The following TBC1D30 variants were observed in gnomAD, a reference collection of about 807,000 sequenced individuals.
The protein encoded by TBC1D30 is TBC1 domain family, member 30.
A neutral mutation model predicts 63.2 loss-of-function variants in TBC1D30; 31 were observed. The observed-to-expected ratio is 0.49, with a 90% CI of 0.37 to 0.66. The LOEUF is 0.66. TBC1D30 is among the 30% of genes least tolerant of loss of function. The probability of loss-of-function intolerance (pLI) is 0.00; values close to 1 mark genes in which losing one functional copy is unlikely to be tolerated. For synonymous variants in TBC1D30, 307 were observed against 361.5 expected (o/e 0.85, Z 1.71); for missense variants, 810 against 953.6 (o/e 0.85, Z 1.98).
intron 9 of TBC1D30, among the ~76,000 whole-genome samples, chr12:64,865,419 T>C (rs1033383449): frequency 1.3e-5 from 2 of 151,962 alleles, no homozygotes; most frequent in African/African-American, 4.8e-5. Flanking sequence ...CCTTTAAATA[T>C]AATTTTCTGG....
At chr12:64,816,442 A>C (rs1873542120) in intron 2 of TBC1D30, among the ~76,000 whole-genome samples, 1 of 152,254 alleles carries the variant, frequency 6.6e-6, no homozygotes, top group South Asian at 2.1e-4. Context: ...TTTATCTGAA[A>C]ACACAGCAAC....
At chr12:64,841,690 G>A (rs760962782) in intron 7 of TBC1D30, among the ~76,000 whole-genome samples, 1 of 152,126 alleles carries the variant, frequency 6.6e-6, no homozygotes, top group Non-Finnish European at 1.5e-5. Context: ...CCCAGATAAG[G>A]CCTGCTGTCT....
chr12:64,836,768 G>A, intron 6 of TBC1D30, 110 bp downstream of exon 6: 2 of 1,105,066 alleles, frequency 1.8e-6, no homozygotes, highest in Non-Finnish European at 2.5e-6. Flanking sequence ...ATTTTTGTAA[G>A]AGCTTGGTGT....
intron 11 of TBC1D30, 56 bp from the exon 12 acceptor site, chr12:64,874,945 A>G: frequency 4.1e-6 from 6 of 1,466,626 alleles, no homozygotes; most frequent in Non-Finnish European, 5.4e-6. Context: ...TTCTGTTCCA[A>G]GATGGATGTG....
chr12:64,828,352 C>A, intron 2 of TBC1D30, 92 bp from the exon 3 acceptor site: 2 of 920,236 alleles, frequency 2.2e-6, no homozygotes, highest in Non-Finnish European at 1.7e-6. Flanking sequence ...CAAATTTCAG[C>A]ACATTCTATG....
At chr12:64,765,876 G>A (rs1870696598) in intron 1 of TBC1D30, among the ~76,000 whole-genome samples, 1 of 151,818 alleles carries the variant, frequency 6.6e-6, no homozygotes, top group Non-Finnish European at 1.5e-5. Context: ...GCTGGGCTTG[G>A]TGGTATGCTC....
Position 64,781,108 on chromosome 12 carries a change from C to T in TBC1D30, c.300C>T (p.Gly100=), listed in dbSNP as rs1592533367. The T allele has an allele frequency of 6.0e-6, 6 of 1,004,020 alleles. No homozygotes were observed. The South Asian group carries it at 2.5e-4, about 41-fold the overall frequency. The allele number at this position is 1,004,020 out of a possible 1,614,324, so 62.2% of individuals were successfully genotyped here. A position where few individuals can be genotyped will look rare whatever the true frequency, so the allele number is the denominator to read the frequency against. ...GCACAGAGGAGGAGGAGGCGGCGGGCGGGGGCCGCGGGGCCGAGGGCCGCC... is the reference window on the plus strand; with the variant it reads ...GCACAGAGGAGGAGGAGGCGGCGGGTGGGGGCCGCGGGGCCGAGGGCCGCC... Residue 100 remains glycine (G), a synonymous_variant, in exon 1 of 13, where the codon GGC becomes GGT. Transcript: ENST00000542120.
intron 1 of TBC1D30, among the ~76,000 whole-genome samples, chr12:64,761,289 A>G (rs982747394): frequency 1.3e-4 from 20 of 152,326 alleles, no homozygotes; most frequent in African/African-American, 2.4e-5. Flanking sequence ...ATTATAAACT[A>G]TTTGAGGCCA....
At chr12:64,806,058 T>A (rs1384249970) in intron 2 of TBC1D30, among the ~76,000 whole-genome samples, 1 of 152,192 alleles carries the variant, frequency 6.6e-6, no homozygotes. Context: ...TCTGCTGTTG[T>A]CATTGTTCAT....
At chr12:64,860,470 C>CTT (rs536996011) in intron 8 of TBC1D30, among the ~76,000 whole-genome samples, 4 of 148,334 alleles carry the variant, frequency 2.7e-5, no homozygotes, top group African/African-American at 7.4e-5. Context: ...AAGTATATTA[C>CTT]TTTTTTTTTT....
At chr12:64,774,374 T>TATCATCCCTGAG (rs1456712433) in intron 1 of TBC1D30, among the ~76,000 whole-genome samples, 2 of 152,220 alleles carry the variant, frequency 1.3e-5, no homozygotes, top group African/African-American at 4.8e-5. Flanking sequence ...CATTTCAGGA[T>TATCATCCCTGAG]ATCATCCCTG....
At chr12:64,803,299 T>C (rs561742863) in intron 2 of TBC1D30, among the ~76,000 whole-genome samples, 2 of 152,246 alleles carry the variant, frequency 1.3e-5, no homozygotes, top group Non-Finnish European at 2.9e-5. Context: ...TGTCTTCTTT[T>C]GAGAATTGTC....
chr12:64,842,555 C>A (rs2136401157), intron 7 of TBC1D30, among the ~76,000 whole-genome samples: 1 of 152,152 alleles, frequency 6.6e-6, no homozygotes, highest in East Asian at 1.9e-4. Flanking sequence ...CTAGCAGCAG[C>A]ACCCTGAGAA....
chr12:64,832,004 T>TA, intron 4 of TBC1D30, 115 bp from the exon 5 acceptor site: 2 of 1,077,540 alleles, frequency 1.9e-6, no homozygotes, highest in Non-Finnish European at 2.5e-6. Context: ...ATACACATTT[T>TA]AAAAAAATTT....
chr12:64,765,481 G>A (rs1423598886), intron 1 of TBC1D30, among the ~76,000 whole-genome samples: 1 of 71,450 alleles, frequency 1.4e-5, no homozygotes, highest in African/African-American at 6.3e-5. Flanking sequence ...GACAGAGCAA[G>A]ACTGTCTCCA....
chr12:64,867,928 T>G (rs998678004), intron 10 of TBC1D30: 4 of 152,354 alleles, frequency 2.6e-5, no homozygotes, highest in Admixed American at 2.0e-4. Flanking sequence ...CTGACCAGAT[T>G]ACAGAAATAA....
chr12:64,875,280 A>G lies in TBC1D30; in HGVS notation c.1778A>G (p.Asp593Gly), dbSNP rs759232940. 6.5e-7 allele frequency: 1 copy of G among 1,536,310 alleles called. No individual in the cohort carries two copies. Among genetic ancestry groups the G allele is most frequent in the Non-Finnish European group, 8.7e-7 (1 of 1,146,920 alleles). The change falls in exon 12 of 12, where the codon GAT (aspartate) becomes GGT (glycine). Residue 593 changes from aspartate (D) to glycine (G), a missense_variant. Physicochemically the swap from Asp to Gly is moderately conservative, Grantham distance 94. Coordinates refer to ENST00000539867, the MANE Select transcript of TBC1D30 (RefSeq NM_015279.2). ...TGTGGGGACACCGTAGGGCTGATAG[A>G]TGAGCAGAACGAGGCCAGCAAGACC... ...PGCGDTVGLI[D>G]EQNEASKTNG...
At chr12:64,800,201 G>C (rs1457478696) in intron 2 of TBC1D30, among the ~76,000 whole-genome samples, 1 of 152,202 alleles carries the variant, frequency 6.6e-6, no homozygotes, top group Non-Finnish European at 1.5e-5. Flanking sequence ...TAAGGGCACA[G>C]AGGCTGAGGG....
intron 2 of TBC1D30, among the ~76,000 whole-genome samples, chr12:64,795,662 T>C (rs1406410988): frequency 6.6e-6 from 1 of 152,158 alleles, no homozygotes; most frequent in East Asian, 1.9e-4. Context: ...TATGTTTGTT[T>C]GCTTTTCCAG....
Sources: gnomAD v4.1 joint callset for allele counts (sites outside exome capture counted in the v4.1 genomes callset) on GRCh38, gnomAD v4.1.1 for gene constraint, MANE v1.5 for transcripts, NCBI Gene and HGNC (gene_info 2026-07-23, HGNC 2026-07-21) for gene names.